The following RANBP2 variants were observed in gnomAD, a reference collection of about 807,000 sequenced individuals.
RANBP2 encodes RAN binding protein 2, also known as E3 SUMO-protein ligase RanBP2.
Under a neutral mutation model 303.6 loss-of-function variants are expected in RANBP2, and 57 were observed. The ratio of observed to expected loss-of-function variants is 0.19; its 90% CI spans 0.15 to 0.23. The LOEUF is 0.23. RANBP2 is among the 10% of genes least tolerant of loss of function. RANBP2 has a pLI of 1.00. For synonymous variants in RANBP2, 1,167 were observed against 1,301.5 expected, an observed-to-expected ratio of 0.90 and a Z score of 2.23; for missense variants, 3,138 against 3,780.8, an observed-to-expected ratio of 0.83 and a Z score of 4.46.
intron 4 of RANBP2, among the ~76,000 whole-genome samples, chr2:108,733,151 C>G (rs1039746916): frequency 9.3e-5 from 14 of 150,762 alleles, no homozygotes; most frequent in East Asian, 4.0e-4. Flanking sequence ...AGGTTGGCTT[C>G]TTCAGTCACC....
At chr2:108,945,121 G>C in the RANBP2 span, among the ~76,000 whole-genome samples, 1 of 152,124 alleles carries the variant, frequency 6.6e-6, no homozygotes, top group Non-Finnish European at 1.5e-5. Flanking sequence ...CTGCCTGTCC[G>C]TGAGGCAGCT....
At chr2:109,548,443 G>A in the RANBP2 span, among the ~76,000 whole-genome samples, 1 of 152,086 alleles carries the variant, frequency 6.6e-6, no homozygotes, top group Non-Finnish European at 1.5e-5. Flanking sequence ...CAGGCTCATT[G>A]GCTCACGGAG....
At chr2:109,359,496 C>G in the RANBP2 span, among the ~76,000 whole-genome samples, 1 of 152,178 alleles carries the variant, frequency 6.6e-6, no homozygotes, top group African/African-American at 2.4e-5. Context: ...TTTTGTTACA[C>G]TTATACTTAA....
At chr2:109,270,249 G>A in the RANBP2 span, among the ~76,000 whole-genome samples, 2 of 152,190 alleles carry the variant, frequency 1.3e-5, no homozygotes, top group Non-Finnish European at 2.9e-5. Context: ...GGTTAGGCTG[G>A]AACACCTGAA....
At chr2:109,227,871 G>T in the RANBP2 span, among the ~76,000 whole-genome samples, 3 of 152,288 alleles carry the variant, frequency 2.0e-5, no homozygotes, top group African/African-American at 7.2e-5. Flanking sequence ...CCTTTCATCG[G>T]TTTGTCTGCA....
chr2:109,527,812 T>A, the RANBP2 span, among the ~76,000 whole-genome samples: 3 of 152,202 alleles, frequency 2.0e-5, no homozygotes, highest in African/African-American at 7.2e-5. Context: ...TGCAACTGAT[T>A]CCCTATGAAG....
the RANBP2 span, among the ~76,000 whole-genome samples, chr2:109,078,129 ATATATAGCGTG>A: frequency 3.0e-3 from 310 of 102,958 alleles, 4 homozygotes; most frequent in Non-Finnish European, 4.7e-3. Context: ...GCGTGTATAT[ATATATAGCGTG>A]TATATATATA....
At chr2:109,366,247 A>G in the RANBP2 span, among the ~76,000 whole-genome samples, 8 of 152,314 alleles carry the variant, frequency 5.3e-5, no homozygotes, top group African/African-American at 1.4e-4. Context: ...GCACCATGCA[A>G]ATGGGTTTGT....
the RANBP2 span, among the ~76,000 whole-genome samples, chr2:108,944,679 C>T: frequency 6.6e-6 from 1 of 152,102 alleles, no homozygotes; most frequent in Non-Finnish European, 1.5e-5. Flanking sequence ...CAAGGAGAGG[C>T]CCTGGGTCCT....
the RANBP2 span, among the ~76,000 whole-genome samples, chr2:109,378,362 A>T: frequency 6.6e-6 from 1 of 152,174 alleles, no homozygotes; most frequent in Non-Finnish European, 1.5e-5. Context: ...GGATGGAAGG[A>T]TGGGGGCTCT....
At chr2:109,397,818 G>A in the RANBP2 span, among the ~76,000 whole-genome samples, 1 of 152,208 alleles carries the variant, frequency 6.6e-6, no homozygotes, top group East Asian at 1.9e-4. Flanking sequence ...GGTTGCTCAT[G>A]GACTTGAACC....
chr2:109,014,824 A>T, the RANBP2 span, among the ~76,000 whole-genome samples: 1 of 152,152 alleles, frequency 6.6e-6, no homozygotes, highest in Non-Finnish European at 1.5e-5. Flanking sequence ...CTCATCTACA[A>T]ATAAAGATAG....
chr2:109,161,763 A>G, the RANBP2 span, among the ~76,000 whole-genome samples: 1 of 151,892 alleles, frequency 6.6e-6, no homozygotes, highest in East Asian at 1.9e-4. Context: ...GAACTAGTAG[A>G]GCAAGAGCTC....
chr2:109,385,001 G>A, the RANBP2 span, among the ~76,000 whole-genome samples: 1 of 152,216 alleles, frequency 6.6e-6, no homozygotes, highest in Non-Finnish European at 1.5e-5. Flanking sequence ...TCTACCCTGT[G>A]GGTCCACCCA....
At chr2:109,613,735 G>A in the RANBP2 span, 2 of 1,100,186 alleles carry the variant, frequency 1.8e-6, no homozygotes, top group African/African-American at 1.6e-5. Context: ...GTGGGTCGAG[G>A]GCGGGAAGTC....
the RANBP2 span, among the ~76,000 whole-genome samples, chr2:108,924,919 C>G: frequency 6.6e-6 from 1 of 152,236 alleles, no homozygotes; most frequent in African/African-American, 2.4e-5. Flanking sequence ...CAACCTGCAG[C>G]TTTCTAACGT....
the RANBP2 span, among the ~76,000 whole-genome samples, chr2:109,492,921 ACCCACAGGGAGAAGTGCCTTCCC>A: frequency 5.3e-5 from 8 of 151,998 alleles, no homozygotes; most frequent in Non-Finnish European, 1.0e-4. Flanking sequence ...CTACAGCCAC[ACCCACAGGGAGAAGTGCCTTCCC>A]CTCTACAGGG....
intron 4 of RANBP2, among the ~76,000 whole-genome samples, chr2:108,733,258 T>G (rs999062488): frequency 2.7e-5 from 1 of 36,810 alleles, no homozygotes; most frequent in Non-Finnish European, 5.0e-5. Context: ...AACCATTCCC[T>G]TTTTTTTTTT....
the RANBP2 span, among the ~76,000 whole-genome samples, chr2:109,395,806 G>A: frequency 6.6e-6 from 1 of 152,212 alleles, no homozygotes; most frequent in Admixed American, 6.5e-5. Context: ...GGAAATCCAT[G>A]CTGACATTCA....
Sources: allele counts gnomAD v4.1 joint callset (sites outside exome capture counted in the v4.1 genomes callset), GRCh38; gene constraint gnomAD v4.1.1; transcripts MANE v1.5; gene names NCBI Gene and HGNC (gene_info 2026-07-23, HGNC 2026-07-21).